Variants in CAMKMT observed in about 807,000 individuals in gnomAD.
CAMKMT encodes calmodulin-lysine N-methyltransferase.
CAMKMT carries 53 observed loss-of-function variants against 48.0 expected under a neutral mutation model. The observed-to-expected ratio is 1.10, with a 90% CI of 0.89 to 1.39. The LOEUF (loss-of-function observed/expected upper bound fraction) is 1.39, where lower values mean the gene tolerates loss of function less well. Ranked by LOEUF, CAMKMT falls within the 40% of genes most tolerant of loss-of-function variation. CAMKMT has a pLI of 0.00. For missense variants in CAMKMT, 428 were observed against 402.7 expected (o/e 1.06, Z -0.54); for synonymous variants, 165 against 152.3 (o/e 1.08, Z -0.61).
intron 1 of CAMKMT, among the ~76,000 whole-genome samples, chr2:44,365,135 A>C (rs1178921102): frequency 6.6e-6 from 1 of 152,228 alleles, no homozygotes; most frequent in Non-Finnish European, 1.5e-5. Context: ...AACTATAAGG[A>C]ATCTAAGCAG....
intron 3 of CAMKMT, among the ~76,000 whole-genome samples, chr2:44,558,578 G>GC (rs1327257074): frequency 6.6e-5 from 10 of 152,068 alleles, no homozygotes; most frequent in Non-Finnish European, 1.3e-4. Context: ...TGGTACATAT[G>GC]CCCCATGGAC....
chr2:44,441,117 C>T (rs1666630755), intron 3 of CAMKMT, among the ~76,000 whole-genome samples: 1 of 152,036 alleles, frequency 6.6e-6, no homozygotes. Flanking sequence ...ATTTTTTTCT[C>T]ACTTATTTGG....
chr2:44,399,913 C>G (rs1450406491), intron 3 of CAMKMT, among the ~76,000 whole-genome samples: 2 of 152,136 alleles, frequency 1.3e-5, no homozygotes, highest in Non-Finnish European at 2.9e-5. Context: ...CTTTCACTCC[C>G]AAAAGTGCTC....
At chr2:44,646,210 C>CTAAACTAGA (rs1673721608) in intron 3 of CAMKMT, among the ~76,000 whole-genome samples, 1 of 152,122 alleles carries the variant, frequency 6.6e-6, no homozygotes, top group South Asian at 2.1e-4. Flanking sequence ...AAGCTATTAA[C>CTAAACTAGA]AGTTTAGCAT....
At chr2:44,747,118 G>A (rs574451565) in intron 8 of CAMKMT, among the ~76,000 whole-genome samples, 2 of 152,286 alleles carry the variant, frequency 1.3e-5, no homozygotes, top group South Asian at 2.1e-4. Flanking sequence ...CCTGCAGCCC[G>A]AGACTTTGGA....
At chr2:44,437,620 G>T (rs909635302) in intron 3 of CAMKMT, among the ~76,000 whole-genome samples, 1 of 152,130 alleles carries the variant, frequency 6.6e-6, no homozygotes, top group Non-Finnish European at 1.5e-5. Flanking sequence ...GGCTGAGGTG[G>T]TTGGATCATT....
In CAMKMT at chr2:44,714,265, A is replaced by G. The variant is rs572593905; in HGVS notation, c.557-1022A>G. Among the ~76,000 whole-genome samples the G allele has an allele frequency of 4.6e-5, 7 of 152,316 alleles. No individual in the cohort carries two copies. The East Asian group carries it at 9.6e-4, about 21-fold the overall frequency. On this transcript the variant is annotated intron_variant, in intron 6 of 10. Coordinates refer to ENST00000378494, the MANE Select transcript of CAMKMT (RefSeq NM_024766.5). ...CAACTCTAAGAGTTATAGTGCCAGG[A>G]AGTGGAAGCAACATCCCTTGATCTG...
chr2:44,526,115 C>T (rs1295074909), intron 3 of CAMKMT, among the ~76,000 whole-genome samples: 4 of 151,664 alleles, frequency 2.6e-5, no homozygotes, highest in African/African-American at 7.3e-5. Flanking sequence ...TGGAAATCAT[C>T]ATTCTCAGGA....
intron 3 of CAMKMT, among the ~76,000 whole-genome samples, chr2:44,391,100 C>T (rs777915137): frequency 2.6e-5 from 4 of 152,084 alleles, no homozygotes; most frequent in African/African-American, 4.8e-5. Flanking sequence ...AAGAAAATTT[C>T]AGAACTGTTA....
At position 44,644,507 on chromosome 2, in the gene CAMKMT, A is replaced by G. The variant is rs114662755; in HGVS notation, c.377-59776A>G. Among the ~76,000 whole-genome samples, 554 of 152,360 alleles carry G rather than the reference A, an allele frequency of 3.6e-3. 2 individuals are homozygous for G. Among genetic ancestry groups the G allele is most frequent in the African/African-American group, 0.012 (509 of 41,582 alleles). ...GTAGTTTCCTTTCTCAATCAACTCC[A>G]AAGAGTCAAAAGTGATTATCAAAGC... On this transcript the variant is annotated intron_variant, in intron 3 of 10. Transcript: ENST00000378494.
intron 3 of CAMKMT, among the ~76,000 whole-genome samples, chr2:44,594,931 T>C (rs1572881637): frequency 1.3e-5 from 2 of 152,208 alleles, no homozygotes; most frequent in Admixed American, 1.3e-4. Flanking sequence ...AGGGGTGATA[T>C]CCAGAATCTA....
In CAMKMT at chr2:44,576,327, TAAAAAAAAAA is replaced by T. The variant is rs569571059; in HGVS notation, c.377-127946_377-127937del. Among the ~76,000 whole-genome samples the T allele has an allele frequency of 3.9e-5, 3 of 76,700 alleles. No individual in the cohort carries two copies. The Admixed American group carries it at 4.6e-4, about 12-fold the overall frequency. 50.3% of individuals were successfully genotyped at this position (76,700 alleles called of 152,430 possible). On this transcript the variant is annotated intron_variant, in intron 3 of 10. Coordinates refer to ENST00000378494, the MANE Select transcript of CAMKMT (RefSeq NM_024766.5). The stretch of plus-strand genomic sequence containing the variant: ...TGGGCAACAAGAGTGAAACTCTGTC[TAAAAAAAAAA>T]AAAAAAAAAGAAAAGAAAAAGAAAG...
intron 3 of CAMKMT, among the ~76,000 whole-genome samples, chr2:44,630,053 G>C (rs1330852557): frequency 2.0e-5 from 3 of 151,230 alleles, no homozygotes; most frequent in African/African-American, 4.9e-5. Flanking sequence ...CAGAGATATA[G>C]ATCAATGGAA....
At chr2:44,728,053 G>A (rs74446282) in intron 7 of CAMKMT, among the ~76,000 whole-genome samples, 3,702 of 152,220 alleles carry the variant, frequency 0.024, 123 homozygotes, top group African/African-American at 0.085. Flanking sequence ...CTCCCAAGTA[G>A]ATGGGACTAT....
intron 3 of CAMKMT, among the ~76,000 whole-genome samples, chr2:44,556,085 T>G (rs1351219921): frequency 6.6e-6 from 1 of 152,142 alleles, no homozygotes; most frequent in Non-Finnish European, 1.5e-5. Flanking sequence ...GCATCTTCAT[T>G]GCAAAGTGAA....
intron 1 of CAMKMT, among the ~76,000 whole-genome samples, chr2:44,370,213 G>A (rs1168139931): frequency 6.6e-6 from 1 of 152,184 alleles, no homozygotes; most frequent in Admixed American, 6.5e-5. Flanking sequence ...ATCCCATAGT[G>A]TTGTTTGAGT....
intron 7 of CAMKMT, among the ~76,000 whole-genome samples, chr2:44,717,593 AGTGCATATGC>A (rs1473196834): frequency 4.7e-4 from 72 of 152,208 alleles, no homozygotes; most frequent in Non-Finnish European, 5.9e-5. Context: ...TTAGTGCCTC[AGTGCATATGC>A]AGAATTTCTC....
At chr2:44,446,110 C>G (rs780491086) in intron 3 of CAMKMT, among the ~76,000 whole-genome samples, 27 of 152,060 alleles carry the variant, frequency 1.8e-4, no homozygotes, top group Non-Finnish European at 3.7e-4. Flanking sequence ...CCACACCCGG[C>G]TAATTTTTTG....
chr2:44,603,000 A>C (rs995873348), intron 3 of CAMKMT, among the ~76,000 whole-genome samples: 1 of 151,968 alleles, frequency 6.6e-6, no homozygotes, highest in Non-Finnish European at 1.5e-5. Context: ...AGCATCATTA[A>C]CCAGAGTTCA....
Sources: gnomAD v4.1 joint callset for allele counts (sites outside exome capture counted in the v4.1 genomes callset) on GRCh38, gnomAD v4.1.1 for gene constraint, MANE v1.5 for transcripts, NCBI Gene and HGNC (gene_info 2026-07-23, HGNC 2026-07-21) for gene names.